MED13L: variants seen among roughly 807,000 people sequenced by gnomAD.
The protein encoded by MED13L is mediator complex subunit 13L.
A neutral mutation model predicts 220.9 loss-of-function variants in MED13L; 7 were observed. The ratio of observed to expected loss-of-function variants is 0.03; its 90% confidence interval spans 0.02 to 0.06. The LOEUF is 0.06. Ranked by LOEUF, MED13L falls within the 10% of genes least tolerant of loss-of-function variation. The pLI, the probability that MED13L is intolerant of heterozygous loss-of-function variation, is 1.00. For missense variants in MED13L, 1,965 were observed against 2,760.5 expected, an observed-to-expected ratio of 0.71 and a Z score of 6.46; for synonymous variants, 1,011 against 1,015.2, an observed-to-expected ratio of 1.00 and a Z score of 0.08.
chr12:116,256,004 TAA>T, intron 1 of MED13L, among the ~76,000 whole-genome samples: 1 of 152,238 alleles, frequency 6.6e-6, no homozygotes, highest in South Asian at 2.1e-4. Context: ...GCATTTTAGA[TAA>T]AAGATTCACA....
intron 4 of MED13L, among the ~76,000 whole-genome samples, chr12:116,048,500 C>T (rs1183328180): frequency 5.9e-5 from 9 of 152,092 alleles, no homozygotes; most frequent in African/African-American, 2.2e-4. Flanking sequence ...GTGATAGAAA[C>T]TTAGAATGTG....
intron 16 of MED13L, among the ~76,000 whole-genome samples, chr12:115,995,646 C>A (rs1878351544): frequency 6.6e-6 from 1 of 152,136 alleles, no homozygotes. Flanking sequence ...TGGTCTCAAA[C>A]TCCTGAGCTC....
intron 27 of MED13L, 150 bp from the exon 28 acceptor site, chr12:115,969,247 T>C (rs1876406350): frequency 3.6e-6 from 3 of 835,360 alleles, no homozygotes; most frequent in Non-Finnish European, 5.7e-6. Flanking sequence ...AGTTAGGACC[T>C]ACTGAGTGCA....
At chr12:116,029,323 A>G (rs1004861133) in intron 4 of MED13L, among the ~76,000 whole-genome samples, 37 of 151,672 alleles carry the variant, frequency 2.4e-4, no homozygotes, top group African/African-American at 8.9e-4. Context: ...GTAAAAAACC[A>G]TTAAAAAAAT....
intron 14 of MED13L, among the ~76,000 whole-genome samples, chr12:116,000,532 C>T (rs1308850993): frequency 2.0e-5 from 3 of 152,154 alleles, no homozygotes; most frequent in African/African-American, 7.2e-5. Flanking sequence ...TCTCCTCACC[C>T]CAGAGCACAT....
At chr12:116,275,631 ATTAT>A (rs1167999847) in intron 1 of MED13L, among the ~76,000 whole-genome samples, 2 of 152,220 alleles carry the variant, frequency 1.3e-5, no homozygotes, top group Non-Finnish European at 2.9e-5. Flanking sequence ...TGAACACTAA[ATTAT>A]TTATCCAGTG....
intron 2 of MED13L, among the ~76,000 whole-genome samples, chr12:116,228,670 G>A (rs181118866): frequency 3.3e-5 from 5 of 152,174 alleles, no homozygotes; most frequent in East Asian, 3.9e-4. Flanking sequence ...ATTTATACAC[G>A]TCAGCAATGA....
chr12:116,209,022 G>A (rs1414963533), intron 2 of MED13L, among the ~76,000 whole-genome samples: 1 of 152,046 alleles, frequency 6.6e-6, no homozygotes, highest in East Asian at 1.9e-4. Context: ...ACTACTATCT[G>A]ATTCAAAGTA....
chr12:115,996,667 C>T lies in MED13L; in HGVS notation c.2805G>A (p.Val935=). Residue 935 remains valine, a synonymous_variant, in exon 16 of 31, where the codon GTG becomes GTA. Coordinates refer to ENST00000281928, the MANE Select transcript of MED13L (RefSeq NM_015335.5). ...AAGGTTGAAAGGATGGAACTTTGTG[C>T]ACATATGAAAAGTCCTGTGACAACA... The part of the protein sequence containing the change: ...KPEEIKDFSY[V]HKVPSFQPFV... 2 of 1,613,806 alleles carry T rather than the reference C, an allele frequency of 1.2e-6. No individual in the cohort carries two copies. Among genetic ancestry groups the T allele is most frequent in the Non-Finnish European group, 8.5e-7 (1 of 1,179,774 alleles).
intron 1 of MED13L, 121 bp from the exon 2 acceptor site, chr12:116,237,826 A>T (rs1215469778): frequency 1.1e-6 from 1 of 877,640 alleles, no homozygotes; most frequent in African/African-American, 1.7e-5. Flanking sequence ...TTCATATCAT[A>T]AGATTCCTCC....
At chr12:116,028,753 C>CA (rs1566018669) in intron 4 of MED13L, among the ~76,000 whole-genome samples, 1 of 152,160 alleles carries the variant, frequency 6.6e-6, no homozygotes, top group Non-Finnish European at 1.5e-5. Context: ...CTCTTAGGGG[C>CA]ACACCACTTG....
chr12:116,276,745 G>C, intron 1 of MED13L: 1 of 1,281,892 alleles, frequency 7.8e-7, no homozygotes, highest in Non-Finnish European at 1.0e-6. Context: ...GGAGGAGAAG[G>C]GGAGTGCGAT....
chr12:116,162,998 G>C (rs77027675), intron 2 of MED13L, among the ~76,000 whole-genome samples: 3,024 of 152,192 alleles, frequency 0.02, 56 homozygotes, highest in Middle Eastern at 0.051. Context: ...CCTCAGTCTT[G>C]AGAGTAGCTG....
At chr12:116,060,816 G>A (rs950543728) in intron 4 of MED13L, among the ~76,000 whole-genome samples, 1 of 151,974 alleles carries the variant, frequency 6.6e-6, no homozygotes, top group Non-Finnish European at 1.5e-5. Context: ...ACACACACAC[G>A]AGATACTTGC....
chr12:115,966,225 G>T lies in MED13L; in HGVS notation c.6244C>A (p.Leu2082Ile). ...QHSRSQGERL[L>I]SREAPEELKQ... ...AGCTCCTCTGGTGCTTCTCTAGAAA[G>T]AAGACGCTCACCCTGGCTCTGAAAA... Residue 2082 changes from leucine (L) to isoleucine (I), a missense_variant, in exon 29 of 31, where the codon CTT becomes ATT. This residue lies in a region of MED13L where 145 missense variants were observed against 328.3 expected (regional missense o/e 0.44). Coordinates refer to ENST00000281928, the MANE Select transcript of MED13L (RefSeq NM_015335.5). 2 of 1,614,128 alleles carry T rather than the reference G, an allele frequency of 1.2e-6. No individual in the cohort carries two copies. The highest frequency in any genetic ancestry group is 1.7e-6 in the Non-Finnish European group (2 of 1,180,016).
intron 1 of MED13L, chr12:116,276,648 C>A: frequency 1.7e-6 from 2 of 1,193,746 alleles, no homozygotes; most frequent in Non-Finnish European, 2.1e-6. Flanking sequence ...GCTGATCCAA[C>A]AACGGGGGAA....
intron 4 of MED13L, among the ~76,000 whole-genome samples, chr12:116,034,553 T>G (rs1881056295): frequency 6.6e-6 from 1 of 152,188 alleles, no homozygotes; most frequent in Non-Finnish European, 1.5e-5. Flanking sequence ...GTTGACTCTC[T>G]TTGTAGCCTA....
chr12:116,130,637 G>A (rs1875985060), intron 2 of MED13L, among the ~76,000 whole-genome samples: 1 of 152,148 alleles, frequency 6.6e-6, no homozygotes, highest in African/African-American at 2.4e-5. Context: ...TGCACTTGAT[G>A]GGTGTGATAA....
chr12:115,983,662 T>A, intron 20 of MED13L, 122 bp from the exon 21 acceptor site: 1 of 1,000,018 alleles, frequency 1.0e-6, no homozygotes, highest in Non-Finnish European at 1.5e-6. Flanking sequence ...CTGATTACAA[T>A]ACCCAAAATA....
Sources: allele counts gnomAD v4.1 joint callset (sites outside exome capture counted in the v4.1 genomes callset), GRCh38; gene constraint gnomAD v4.1.1; regional missense constraint gnomAD v4.1.1; transcripts MANE v1.5; gene names NCBI Gene and HGNC (gene_info 2026-07-23, HGNC 2026-07-21).